Variants in SEL1L3 observed in about 807,000 individuals in gnomAD.
SEL1L3 encodes the protein protein sel-1 homolog 3.
Under a neutral mutation model 142.8 loss-of-function variants are expected in SEL1L3, and 76 were observed. The observed-to-expected ratio is 0.53, with a 90% CI of 0.44 to 0.64. The LOEUF is 0.64. SEL1L3 is among the 30% of genes least tolerant of loss of function. The pLI is 0.00. For synonymous variants in SEL1L3, 504 were observed against 519.6 expected (o/e 0.97, Z 0.41); for missense variants, 1,262 against 1,381.7 (o/e 0.91, Z 1.37).
intron 11 of SEL1L3, among the ~76,000 whole-genome samples, chr4:25,801,136 C>G (rs1013762081): frequency 6.6e-6 from 1 of 152,254 alleles, no homozygotes; most frequent in Non-Finnish European, 1.5e-5. Context: ...GGCACAGTGG[C>G]TCACGCCTAT....
intron 2 of SEL1L3, among the ~76,000 whole-genome samples, chr4:25,841,360 A>G (rs966339872): frequency 1.2e-4 from 19 of 152,186 alleles, no homozygotes; most frequent in Non-Finnish European, 2.2e-4. Flanking sequence ...TGAAAACTCT[A>G]CACATCCTTC....
chr4:25,849,472 G>C (rs1188057547), intron 1 of SEL1L3, among the ~76,000 whole-genome samples: 2 of 152,186 alleles, frequency 1.3e-5, no homozygotes. Context: ...GAAGCACCTA[G>C]AGTAGTCAAA....
chr4:25,779,315 T>A, intron 15 of SEL1L3, 112 bp from the exon 16 acceptor site: 1 of 1,230,382 alleles, frequency 8.1e-7, no homozygotes, highest in East Asian at 2.5e-5. Context: ...TAACTTCTGA[T>A]AGCTTTAAAA....
At chr4:25,778,650 G>A (rs1455444252) in intron 16 of SEL1L3, among the ~76,000 whole-genome samples, 1 of 152,116 alleles carries the variant, frequency 6.6e-6, no homozygotes, top group Non-Finnish European at 1.5e-5. Flanking sequence ...GTAGTGGGAG[G>A]TGGCAGAGTC....
rs376832285 is a variant in SEL1L3, at chr4:25,833,099, T to C, written c.994A>G (p.Ile332Val). The C allele has an allele frequency of 1.4e-4, 229 of 1,590,168 alleles. 2 individuals are homozygous for C. In the South Asian group the frequency reaches 2.1e-3, roughly 15 times the overall value. ...TCCCCTTTGACAAGATGCATCTGAA[T>C]ATGCAAATAGCCTAAAAGGAAAATT... ...VFLTEEGYLH[I>V]QMHLVKGEDL... is the part of the protein sequence containing the mutation. The change falls in exon 5 of 24, where the codon ATT becomes GTT. Residue 332 changes from isoleucine (I) to valine (V), a missense_variant. This residue lies in a region of SEL1L3 where 689 missense variants were observed against 692.8 expected (regional missense o/e 0.99). Coordinates refer to ENST00000399878, the MANE Select transcript of SEL1L3 (RefSeq NM_015187.5).
intron 11 of SEL1L3, among the ~76,000 whole-genome samples, chr4:25,797,145 G>C (rs1325028097): frequency 1.3e-5 from 2 of 151,120 alleles, no homozygotes; most frequent in African/African-American, 4.9e-5. Flanking sequence ...AAGGGGAGCA[G>C]GTGAGGGTGA....
At chr4:25,829,485 C>T (rs2109276372) in intron 6 of SEL1L3, among the ~76,000 whole-genome samples, 1 of 152,190 alleles carries the variant, frequency 6.6e-6, no homozygotes, top group African/African-American at 2.4e-5. Flanking sequence ...GCAAGGTATC[C>T]TGAATTCCTA....
At chr4:25,764,708 T>C (rs1414683195) in intron 20 of SEL1L3, among the ~76,000 whole-genome samples, 1 of 152,310 alleles carries the variant, frequency 6.6e-6, no homozygotes, top group Non-Finnish European at 1.5e-5. Context: ...GTTTAGGAGC[T>C]GGGCATTTTG....
chr4:25,787,375 C>T (rs1245039234), intron 13 of SEL1L3, among the ~76,000 whole-genome samples: 1 of 152,132 alleles, frequency 6.6e-6, no homozygotes, highest in Admixed American at 6.6e-5. Flanking sequence ...GGCTGGAGTG[C>T]AGTGGCACGA....
At chr4:25,839,026 G>A (rs996352002) in intron 2 of SEL1L3, among the ~76,000 whole-genome samples, 1 of 152,174 alleles carries the variant, frequency 6.6e-6, no homozygotes, top group Admixed American at 6.5e-5. Context: ...TCAATGCAAG[G>A]AATCACAATG....
chr4:25,717,202 A>C, the SEL1L3 span, among the ~76,000 whole-genome samples: 1 of 152,282 alleles, frequency 6.6e-6, no homozygotes, highest in Non-Finnish European at 1.5e-5. Context: ...ACAAAAATTA[A>C]AAATAAAAAA....
intron 7 of SEL1L3, 71 bp from the exon 8 acceptor site, chr4:25,820,011 G>A (rs938005974): frequency 1.4e-6 from 2 of 1,457,504 alleles, no homozygotes; most frequent in East Asian, 2.4e-5. Flanking sequence ...AGGAGGATGT[G>A]TTTGGGTTGA....
intron 1 of SEL1L3, 36 bp downstream of exon 1, chr4:25,862,639 G>A: frequency 2.5e-6 from 3 of 1,180,006 alleles, no homozygotes; most frequent in Non-Finnish European, 3.2e-6. Flanking sequence ...GGGGCCCCGC[G>A]CGGAGGGGAA....
the SEL1L3 span, among the ~76,000 whole-genome samples, chr4:25,731,662 T>C: frequency 6.6e-6 from 1 of 152,220 alleles, no homozygotes; most frequent in African/African-American, 2.4e-5. Flanking sequence ...GTATTAATAG[T>C]TCATTCCTTC....
At chr4:25,760,381 T>C (rs559180343) in intron 20 of SEL1L3, among the ~76,000 whole-genome samples, 27 of 152,358 alleles carry the variant, frequency 1.8e-4, no homozygotes, top group African/African-American at 6.5e-4. Context: ...GCAATGAACA[T>C]ACATGTGCAT....
chr4:25,751,195 C>T (rs1302557121), intron 23 of SEL1L3, among the ~76,000 whole-genome samples: 2 of 152,098 alleles, frequency 1.3e-5, no homozygotes, highest in Non-Finnish European at 2.9e-5. Context: ...TTTCAAAAGC[C>T]TGATCCATTA....
chr4:25,810,370 C>T (rs1476588721), intron 9 of SEL1L3, among the ~76,000 whole-genome samples: 1 of 152,212 alleles, frequency 6.6e-6, no homozygotes, highest in Non-Finnish European at 1.5e-5. Flanking sequence ...ACTGCCATCC[C>T]TGCAGCCTCT....
At chr4:25,728,872 A>G in the SEL1L3 span, among the ~76,000 whole-genome samples, 6 of 151,904 alleles carry the variant, frequency 3.9e-5, no homozygotes, top group Non-Finnish European at 2.9e-5. Context: ...AAAAAAAAAA[A>G]AAAAAAGAAA....
chr4:25,857,633 T>C (rs925981588), intron 1 of SEL1L3, among the ~76,000 whole-genome samples: 3 of 152,200 alleles, frequency 2.0e-5, no homozygotes, highest in Non-Finnish European at 4.4e-5. Flanking sequence ...GGTAAGTAAC[T>C]TGCCCAAGGT....
Sources: allele counts gnomAD v4.1 joint callset (sites outside exome capture counted in the v4.1 genomes callset), GRCh38; gene constraint gnomAD v4.1.1; regional missense constraint gnomAD v4.1.1; transcripts MANE v1.5; gene names NCBI Gene and HGNC (gene_info 2026-07-23, HGNC 2026-07-21).